The following MAP2K5 variants were observed in gnomAD, a reference collection of about 807,000 sequenced individuals.
MAP2K5 encodes the protein mitogen-activated protein kinase kinase 5, also known as dual specificity mitogen-activated protein kinase kinase 5.
A neutral mutation model predicts 83.1 loss-of-function variants in MAP2K5; 49 were observed. That is an observed-to-expected ratio of 0.59 (90% CI 0.47 to 0.75). The LOEUF is 0.75. MAP2K5 is among the 30% of genes least tolerant of loss of function. The probability of loss-of-function intolerance (pLI) is 0.00; values close to 1 mark genes in which losing one functional copy is unlikely to be tolerated. For synonymous variants in MAP2K5, 202 were observed against 191.8 expected (o/e 1.05, Z -0.44); for missense variants, 457 against 557.5 (o/e 0.82, Z 1.82).
intron 1 of MAP2K5, 54 bp from the exon 2 acceptor site, chr15:67,549,980 T>A (rs2084474930): frequency 7.6e-7 from 1 of 1,316,634 alleles, no homozygotes; most frequent in Admixed American, 1.7e-5. Context: ...ATTTGCCACA[T>A]GTTAGCAATA....
rs1328509211 is a variant in MAP2K5, at chr15:67,749,564, G to C, written c.1134+963G>C. Among the ~76,000 whole-genome samples the C allele has an allele frequency of 6.6e-6, 1 of 151,988 alleles. No individual in the cohort carries two copies. The highest frequency in any genetic ancestry group is 1.5e-5 in the Non-Finnish European group (1 of 67,982). ...TATGAAATTTGGGAGAAAAAATAAA[G>C]ATCCTCCTAGGAAAAAAATAAACAC... On this transcript the variant is annotated intron_variant, in intron 19 of 21. Transcript: ENST00000178640. This position sits in a 1 kb window ranked among gnomAD's most constrained non-coding sequence, Gnocchi z 4.6.
At chr15:67,648,577 CT>C (rs56211889) in intron 11 of MAP2K5, among the ~76,000 whole-genome samples, 134,862 of 141,382 alleles carry the variant, frequency 0.95, 64,283 homozygotes, top group East Asian at 1. Flanking sequence ...GTTTTCAGTT[CT>C]TTTTTTTTTT....
chr15:67,753,274 A>T (rs1305154905), intron 19 of MAP2K5, among the ~76,000 whole-genome samples: 1 of 152,232 alleles, frequency 6.6e-6, no homozygotes, highest in Admixed American at 6.5e-5. Context: ...AATCTCCATG[A>T]CCTTAGGTTA....
rs968412327 is a variant in MAP2K5 at position 67,769,597 on chromosome 15, C to T, written c.1135-5C>T. Reference sequence around the variant, plus strand: ...TTTTGGTGACATGTTTTTCCTCCATCACAGGATTCGCCCGTCCTTCCAGTT... The same window carrying T: ...TTTTGGTGACATGTTTTTCCTCCATTACAGGATTCGCCCGTCCTTCCAGTT... On this transcript the variant is annotated splice_polypyrimidine_tract_variant and splice_region_variant and intron_variant, in intron 19 of 21. Transcript: ENST00000178640. This position sits in a 1 kb window ranked among gnomAD's most constrained non-coding sequence, Gnocchi z 5.2. 6.2e-7 allele frequency: 1 copy of T among 1,613,648 alleles called. No individual in the cohort carries two copies. Among genetic ancestry groups the T allele is most frequent in the Non-Finnish European group, 8.5e-7 (1 of 1,179,684 alleles).
rs991884818 is a variant in MAP2K5 at position 67,757,033 on chromosome 15, G to C, written c.1134+8432G>C. On this transcript the variant is annotated intron_variant, in intron 19 of 21. Transcript: ENST00000178640. The surrounding 1 kb of genome is among the most constrained non-coding windows in gnomAD (Gnocchi z 4.9). ...AGTGCAGATATCTCTTCAGGATAGTGATTTATTTCCTTTAGATATACACCG... is the reference window on the plus strand; with the variant it reads ...AGTGCAGATATCTCTTCAGGATAGTCATTTATTTCCTTTAGATATACACCG... Among the ~76,000 whole-genome samples, 1 of 152,100 alleles carries C rather than the reference G, an allele frequency of 6.6e-6. No individual in the cohort carries two copies. Among genetic ancestry groups the C allele is most frequent in the Non-Finnish European group, 1.5e-5 (1 of 68,008 alleles).
At position 67,777,143 on chromosome 15, in the gene MAP2K5, G is replaced by A. The variant is rs1387371706; in HGVS notation, c.1242+4391G>A. 6.6e-6 allele frequency among the ~76,000 whole-genome samples: 1 copy of A among 152,102 alleles called. No homozygotes were observed. The highest frequency in any genetic ancestry group is 1.9e-4 in the East Asian group (1 of 5,190). ...TAGGGAGGGAAGTGTTCACTCAGCG[G>A]GAGAGTGCTTGCTTGAGGGTGGGGT... On this transcript the variant is annotated intron_variant, in intron 21 of 21. Coordinates refer to ENST00000178640, the MANE Select transcript of MAP2K5 (RefSeq NM_145160.3). The surrounding 1 kb of genome is among the most constrained non-coding windows in gnomAD (Gnocchi z 6.0).
intron 8 of MAP2K5, among the ~76,000 whole-genome samples, chr15:67,613,684 G>A (rs1019261909): frequency 6.6e-6 from 1 of 151,762 alleles, no homozygotes; most frequent in Non-Finnish European, 1.5e-5. Context: ...AGTATTGTGG[G>A]CAGGATTATA....
At chr15:67,588,038 C>T in intron 6 of MAP2K5, 2 of 963,638 alleles carry the variant, frequency 2.1e-6, no homozygotes, top group Non-Finnish European at 2.5e-6. Flanking sequence ...CTGGAGCCAT[C>T]TTGCCAGTGT....
intron 17 of MAP2K5, among the ~76,000 whole-genome samples, chr15:67,730,101 G>T (rs75143213): frequency 0.017 from 2,645 of 152,262 alleles, 89 homozygotes; most frequent in African/African-American, 0.061. Flanking sequence ...AACAGAAGTT[G>T]GGGTGCGTCG....
chr15:67,662,127 T>C (rs1490799596), intron 12 of MAP2K5, among the ~76,000 whole-genome samples: 1 of 152,130 alleles, frequency 6.6e-6, no homozygotes, highest in South Asian at 2.1e-4. Context: ...TATACTAGAA[T>C]TGATGAATCT....
chr15:67,609,414 A>G (rs57202916), intron 8 of MAP2K5, among the ~76,000 whole-genome samples: 2 of 133,638 alleles, frequency 1.5e-5, no homozygotes, highest in East Asian at 2.2e-4. Flanking sequence ...GACCTATTCT[A>G]TAGACCTATT....
chr15:67,582,059 CTTTTTTT>C (rs944586636), intron 4 of MAP2K5, among the ~76,000 whole-genome samples: 69 of 122,736 alleles, frequency 5.6e-4, no homozygotes, highest in Admixed American at 4.1e-3. Context: ...TAGATGATTT[CTTTTTTT>C]TTTTTTTTTT....
chr15:67,545,464 T>C (rs1016271757), intron 1 of MAP2K5, among the ~76,000 whole-genome samples: 2 of 152,204 alleles, frequency 1.3e-5, no homozygotes, highest in African/African-American at 4.8e-5. Flanking sequence ...CAAGTCAGTC[T>C]ACCTCTCTGA....
intron 8 of MAP2K5, among the ~76,000 whole-genome samples, chr15:67,630,646 A>G (rs1020297897): frequency 2.6e-5 from 4 of 152,232 alleles, no homozygotes; most frequent in Non-Finnish European, 4.4e-5. Flanking sequence ...ATTCTCATCT[A>G]TAAAAGGAGG....
chr15:67,739,456 ATATATATTTTTTTTTTTTTTTTTTTTT>A (rs1362093250), intron 17 of MAP2K5, among the ~76,000 whole-genome samples: 13 of 17,182 alleles, frequency 7.6e-4, no homozygotes, highest in Admixed American at 2.2e-3. Context: ...ATATATATAT[ATATATATTTTTTTTTTTTTTTTTTTTT>A]TTTTTTTTTT....
At position 67,722,606 on chromosome 15, in the gene MAP2K5, C is replaced by G. The variant is rs1242985999; in HGVS notation, c.1045-5310C>G. The stretch of plus-strand genomic sequence containing the variant: ...ATTTAATATTTATTATGGTTCTTCA[C>G]CAGCATAGTTTCAGATGATTTAAAC... On this transcript the variant is annotated intron_variant, in intron 16 of 21. Coordinates refer to ENST00000178640, the MANE Select transcript of MAP2K5 (RefSeq NM_145160.3). This position sits in a 1 kb window ranked among gnomAD's most constrained non-coding sequence, Gnocchi z 4.2. Among the ~76,000 whole-genome samples the G allele has an allele frequency of 2.0e-5, 3 of 152,090 alleles. No individual in the cohort carries two copies. Among genetic ancestry groups the G allele is most frequent in the South Asian group, 2.1e-4 (1 of 4,832 alleles).
chr15:67,699,128 G>A (rs1031480842), intron 15 of MAP2K5, among the ~76,000 whole-genome samples: 1 of 144,236 alleles, frequency 6.9e-6, no homozygotes, highest in Non-Finnish European at 1.5e-5. Flanking sequence ...TGCTAGCTAA[G>A]TTTTTTTTTT....
chr15:67,580,562 G>C (rs1042201990), intron 3 of MAP2K5, among the ~76,000 whole-genome samples, 192 bp from the exon 4 acceptor site: 11 of 152,112 alleles, frequency 7.2e-5, no homozygotes, highest in African/African-American at 2.7e-4. Flanking sequence ...CAGGGTGAAG[G>C]CTAACACACT....
In MAP2K5 at chr15:67,572,246, C is replaced by T. The variant is rs995760390; in HGVS notation, c.253-8508C>T. Among the ~76,000 whole-genome samples, 2 of 151,886 alleles carry T rather than the reference C, an allele frequency of 1.3e-5. No individual in the cohort carries two copies. Among genetic ancestry groups the T allele is most frequent in the Admixed American group, 6.6e-5 (1 of 15,248 alleles). On this transcript the variant is annotated intron_variant, in intron 3 of 21. Transcript: ENST00000178640. The surrounding 1 kb of genome is among the most constrained non-coding windows in gnomAD (Gnocchi z 4.2). ...GTGATTCAGTCTGTATGGACAGTGA[C>T]GGGGGAGAGGGTGGGAGATGGGGCT...
Sources: gnomAD v4.1 joint callset for allele counts (sites outside exome capture counted in the v4.1 genomes callset) on GRCh38, gnomAD v4.1.1 for gene constraint, Gnocchi (gnomAD v3.1) non-coding constraint, MANE v1.5 for transcripts, NCBI Gene and HGNC (gene_info 2026-07-23, HGNC 2026-07-21) for gene names.